EBF3: variants seen among roughly 807,000 people sequenced by gnomAD.
EBF3 encodes the protein EBF transcription factor 3.
EBF3 carries 18 observed loss-of-function variants against 77.1 expected under a neutral mutation model. That is an observed-to-expected ratio of 0.23 (90% CI 0.16 to 0.35). The LOEUF is 0.35. Ranked by LOEUF, EBF3 falls within the 10% of genes least tolerant of loss-of-function variation. The pLI is 1.00. For synonymous variants in EBF3, 350 were observed against 343.5 expected, an observed-to-expected ratio of 1.02 and a Z score of -0.21; for missense variants, 558 against 860.0, an observed-to-expected ratio of 0.65 and a Z score of 4.39.
At chr10:129,887,680 T>C (rs533798878) in intron 6 of EBF3, among the ~76,000 whole-genome samples, 1 of 152,246 alleles carries the variant, frequency 6.6e-6, no homozygotes, top group South Asian at 2.1e-4. Context: ...GGGTGAGAGA[T>C]GGCAATTACA....
Position 129,962,999 on chromosome 10 carries a change from T to C in EBF3, c.298A>G (p.Asn100Asp), listed in dbSNP as rs1859643808. The C allele has an allele frequency of 1.2e-6, 2 of 1,614,072 alleles. No homozygotes were observed. The highest frequency in any genetic ancestry group is 8.5e-7 in the Non-Finnish European group (1 of 1,180,026). Residue 100 changes from asparagine (N) to aspartate (D), a missense_variant, in exon 3 of 17, where the codon AAC becomes GAC. Asn to Asp is a conservative substitution (Grantham distance 23, BLOSUM62 1). Coordinates refer to ENST00000440978, the MANE Select transcript of EBF3 (RefSeq NM_001375380.1). The stretch of plus-strand genomic sequence containing the variant: ...ATGCCGTTGTTGGTTTTCTCGTTGT[T>C]TGGCTCCTGAAAGTAACGATAAATA... ...VDFVEKEKEP[N>D]NEKTNNGIHY... is the part of the protein sequence containing the mutation.
chr10:129,942,988 T>C (rs1409895889), intron 6 of EBF3, among the ~76,000 whole-genome samples: 1 of 152,208 alleles, frequency 6.6e-6, no homozygotes, highest in African/African-American at 2.4e-5. Context: ...CATGCACTTA[T>C]GTACTGCTTT....
chr10:129,837,733 C>A lies in EBF3; in HGVS notation c.*210G>T. ...GTTCAGTCAATAAAATGGAATTGTT[C>A]ATGAAGAAGTAGGCTGTTTGCATGT... On this transcript the variant is annotated 3_prime_UTR_variant, in exon 17 of 17. Transcript: ENST00000440978. 1.7e-6 allele frequency: 1 copy of A among 597,036 alleles called. No homozygotes were observed. Among genetic ancestry groups the A allele is most frequent in the East Asian group, 2.9e-5 (1 of 34,160 alleles). The allele number at this position is 597,036 out of a possible 1,614,324, so 37.0% of individuals were successfully genotyped here. A position where few individuals can be genotyped will look rare whatever the true frequency, so the allele number is the denominator to read the frequency against.
intron 8 of EBF3, among the ~76,000 whole-genome samples, chr10:129,871,550 T>G (rs1382956842): frequency 6.6e-6 from 1 of 152,080 alleles, no homozygotes; most frequent in Non-Finnish European, 1.5e-5. Flanking sequence ...GTGGGACTGA[T>G]GTAGAGCCAG....
intron 6 of EBF3, among the ~76,000 whole-genome samples, chr10:129,899,160 A>C (rs561414247): frequency 6.8e-4 from 103 of 152,368 alleles, no homozygotes; most frequent in Admixed American, 3.0e-3. Flanking sequence ...TTAATCTTTT[A>C]TTAAGAGCTA....
chr10:129,849,860 A>G (rs770493294), intron 10 of EBF3, among the ~76,000 whole-genome samples: 1 of 152,236 alleles, frequency 6.6e-6, no homozygotes, highest in Admixed American at 6.5e-5. Context: ...GCCTCGGCGT[A>G]TGTGACATGG....
chr10:129,894,458 C>T (rs1031588987), intron 6 of EBF3, among the ~76,000 whole-genome samples: 1 of 152,188 alleles, frequency 6.6e-6, no homozygotes, highest in Non-Finnish European at 1.5e-5. Context: ...CCGTGGCTGG[C>T]ACATCCCACA....
Position 129,864,487 on chromosome 10 carries a change from TAA to T in EBF3, c.1039+2652_1039+2653del, listed in dbSNP as rs1024325994. Among the ~76,000 whole-genome samples, 23 of 152,120 alleles carry T rather than the reference TAA, an allele frequency of 1.5e-4. 1 individual carries two copies. On this transcript the variant is annotated intron_variant, in intron 10 of 16. Coordinates refer to ENST00000440978, the MANE Select transcript of EBF3 (RefSeq NM_001375380.1). The surrounding 1 kb of genome is among the most constrained non-coding windows in gnomAD (Gnocchi z 4.4). ...TGGACCTTTCAGCAATCTTCTTTCTTAAAAAAGTCTCATTTCTAACAATAGCT... is the reference window on the plus strand; with the variant it reads ...TGGACCTTTCAGCAATCTTCTTTCTTAAAAGTCTCATTTCTAACAATAGCT...
chr10:129,908,863 A>C (rs1855324321), intron 6 of EBF3, among the ~76,000 whole-genome samples: 1 of 152,202 alleles, frequency 6.6e-6, no homozygotes, highest in Non-Finnish European at 1.5e-5. Flanking sequence ...TACACCAATA[A>C]GTATGGCCCA....
At chr10:129,948,797 G>T (rs1455714386) in intron 6 of EBF3, among the ~76,000 whole-genome samples, 4 of 152,324 alleles carry the variant, frequency 2.6e-5, no homozygotes, top group African/African-American at 9.6e-5. Context: ...GGTGCCTGTT[G>T]CTGGTGTGGC....
chr10:129,960,375 T>G (rs904658518), intron 4 of EBF3, among the ~76,000 whole-genome samples: 2 of 152,196 alleles, frequency 1.3e-5, no homozygotes, highest in African/African-American at 2.4e-5. Flanking sequence ...CGAACCCCGC[T>G]CACCCAGCCT....
At chr10:129,845,749 T>G (rs1296110028) in intron 11 of EBF3, 1 of 101,936 alleles carries the variant, frequency 9.8e-6, no homozygotes, top group Non-Finnish European at 2.7e-5. Context: ...AATAAATTTT[T>G]GTATATTAGA....
At chr10:129,933,643 C>T (rs758954034) in intron 6 of EBF3, among the ~76,000 whole-genome samples, 3 of 152,228 alleles carry the variant, frequency 2.0e-5, no homozygotes, top group South Asian at 2.1e-4. Context: ...GAGGCACAAG[C>T]GTGGCTGAAT....
At chr10:129,901,569 G>A (rs772241140) in intron 6 of EBF3, among the ~76,000 whole-genome samples, 9 of 152,080 alleles carry the variant, frequency 5.9e-5, no homozygotes, top group Non-Finnish European at 1.2e-4. Flanking sequence ...AAAGCATCCC[G>A]GTGATTTATC....
chr10:129,889,965 T>C (rs1379969114), intron 6 of EBF3, among the ~76,000 whole-genome samples: 1 of 135,386 alleles, frequency 7.4e-6, no homozygotes, highest in Non-Finnish European at 1.6e-5. Context: ...TTTTTTTTTT[T>C]TTTTTTTTTT....
At chr10:129,901,168 C>T (rs981585932) in intron 6 of EBF3, among the ~76,000 whole-genome samples, 5 of 152,170 alleles carry the variant, frequency 3.3e-5, no homozygotes, top group African/African-American at 1.2e-4. Context: ...TGGCTGTGGC[C>T]CTCTTAGCTG....
intron 10 of EBF3, among the ~76,000 whole-genome samples, chr10:129,865,237 G>C (rs1851919508): frequency 6.6e-6 from 1 of 152,200 alleles, no homozygotes; most frequent in African/African-American, 2.4e-5. Flanking sequence ...GCCTTTCCCA[G>C]GTACCTGGGG....
At chr10:129,909,214 G>C (rs4751146) in intron 6 of EBF3, among the ~76,000 whole-genome samples, 64,622 of 152,094 alleles carry the variant, frequency 0.42, 14,450 homozygotes, top group Admixed American at 0.5. Flanking sequence ...GGATGGAAGA[G>C]GCCAGACATG....
chr10:129,951,391 G>T (rs1408468990), intron 6 of EBF3, among the ~76,000 whole-genome samples: 1 of 152,244 alleles, frequency 6.6e-6, no homozygotes, highest in East Asian at 1.9e-4. Flanking sequence ...GCCTCCCAGA[G>T]TATAGCTTCT....
Sources: gnomAD v4.1 joint callset for allele counts (sites outside exome capture counted in the v4.1 genomes callset) on GRCh38, gnomAD v4.1.1 for gene constraint, Gnocchi (gnomAD v3.1) non-coding constraint, MANE v1.5 for transcripts, NCBI Gene and HGNC (gene_info 2026-07-23, HGNC 2026-07-21) for gene names.